SLC7A10: variants seen among roughly 807,000 people sequenced by gnomAD.
SLC7A10 encodes the protein solute carrier family 7 member 10.
Under a neutral mutation model 52.7 loss-of-function variants are expected in SLC7A10, and 30 were observed. The observed-to-expected ratio is 0.57, with a 90% confidence interval of 0.43 to 0.77. The LOEUF is 0.77. Among genes scored for constraint, SLC7A10 ranks in the 30% least tolerant of loss-of-function variants. The probability of loss-of-function intolerance (pLI) is 0.00; values close to 1 mark genes in which losing one functional copy is unlikely to be tolerated. For synonymous variants in SLC7A10, 318 were observed against 314.9 expected (o/e 1.01, Z -0.10); for missense variants, 581 against 698.5 (o/e 0.83, Z 1.90).
intron 1 of SLC7A10, among the ~76,000 whole-genome samples, chr19:33,222,846 A>G (rs765244883): frequency 3.9e-5 from 6 of 152,134 alleles, no homozygotes; most frequent in Non-Finnish European, 8.8e-5. Flanking sequence ...ACGCCAGCCC[A>G]TAGCCCACCC....
chr19:33,212,956 G>T lies in SLC7A10; in HGVS notation c.403C>A (p.Leu135Ile). Residue 135 changes from leucine to isoleucine, a missense_variant, in exon 3 of 11, where the codon CTT (leucine) becomes ATT (isoleucine). Transcript: ENST00000253188. ...SAVLIMYPTS[L>I]AVISMTFSNY... The stretch of plus-strand genomic sequence containing the variant: ...GAGAAGGTCATGGAGATGACAGCAA[G>T]GCTGGTGGGGTACATGATGAGGACG... 6.2e-7 allele frequency: 1 copy of T among 1,614,078 alleles called. No individual in the cohort carries two copies. The highest frequency in any genetic ancestry group is 8.5e-7 in the Non-Finnish European group (1 of 1,179,982).
intron 1 of SLC7A10, chr19:33,220,393 G>A (rs918808169): frequency 6.6e-6 from 1 of 152,132 alleles, no homozygotes; most frequent in African/African-American, 2.4e-5. Flanking sequence ...CGCAACAGTC[G>A]AGCCCTAGGC....
rs935559307 is a variant in SLC7A10 at position 33,210,506 on chromosome 19, C to T, written c.1224G>A (p.Leu408=). Residue 408 remains leucine (L), a synonymous_variant, in exon 9 of 11, where the codon CTG becomes CTA. Coordinates refer to ENST00000253188, the MANE Select transcript of SLC7A10 (RefSeq NM_019849.3). The surrounding 1 kb of genome is among the most constrained non-coding windows in gnomAD (Gnocchi z 5.6). ...GGAGTGCAGGCCGCCTCCAGCGCAG[C>T]AGCAGCAGGCCCAGGATGGTGACGC... ...CYGVTILGLL[L]LRWRRPALHR... is the part of the protein sequence containing the mutation. 3 of 1,608,438 alleles carry T rather than the reference C, an allele frequency of 1.9e-6. No homozygotes were observed. The highest frequency in any genetic ancestry group is 2.7e-5 in the African/African-American group (2 of 74,920).
rs944049051 is a variant in SLC7A10 at position 33,210,050 on chromosome 19, C to T, written c.1263+417G>A. Among the ~76,000 whole-genome samples the T allele has an allele frequency of 6.6e-6, 1 of 151,884 alleles. No homozygotes were observed. Among genetic ancestry groups the T allele is most frequent in the African/African-American group, 2.4e-5 (1 of 41,366 alleles). ...CAACCTCCCGGGCTCAAGCGATCCT[C>T]CCATTTCAGCCTCTCAAGTAGCTGG... On this transcript the variant is annotated intron_variant, in intron 9 of 10. Transcript: ENST00000253188. This position sits in a 1 kb window ranked among gnomAD's most constrained non-coding sequence, Gnocchi z 5.6.
chr19:33,215,723 C>A, intron 2 of SLC7A10, 46 bp downstream of exon 2: 1 of 1,532,896 alleles, frequency 6.5e-7, no homozygotes, highest in Admixed American at 2.0e-5. Flanking sequence ...TTGGCCATCC[C>A]ATTCCCAAGA....
At chr19:33,216,610 C>CTCCTT (rs1346904625) in intron 1 of SLC7A10, among the ~76,000 whole-genome samples, 4 of 152,082 alleles carry the variant, frequency 2.6e-5, no homozygotes, top group Middle Eastern at 3.4e-3. Context: ...CCTTTCCTTT[C>CTCCTT]TCCTTTCCTT....
Position 33,210,376 on chromosome 19 carries a change from C to T in SLC7A10, c.1263+91G>A. On this transcript the variant is annotated intron_variant, in intron 9 of 10. Coordinates refer to ENST00000253188, the MANE Select transcript of SLC7A10 (RefSeq NM_019849.3). The surrounding 1 kb of genome is among the most constrained non-coding windows in gnomAD (Gnocchi z 5.6). ...GCCCAACACTCCACAAAAGCTGGCACCTCCCATCCCACCTGCCCCTGGTGC... is the reference window on the plus strand; with the variant it reads ...GCCCAACACTCCACAAAAGCTGGCATCTCCCATCCCACCTGCCCCTGGTGC... The T allele has an allele frequency of 2.0e-6, 3 of 1,491,362 alleles. No individual in the cohort carries two copies. Among genetic ancestry groups the T allele is most frequent in the Non-Finnish European group, 2.7e-6 (3 of 1,110,154 alleles). The allele number at this position is 1,491,362 out of a possible 1,614,324, so 92.4% of individuals were successfully genotyped here.
chr19:33,220,557 G>C (rs367841333), intron 1 of SLC7A10, among the ~76,000 whole-genome samples: 31 of 152,104 alleles, frequency 2.0e-4, no homozygotes, highest in African/African-American at 7.5e-4. Flanking sequence ...CAGTCCTGGG[G>C]CTTCTTCTCT....
At chr19:33,222,035 G>C (rs1341008445) in intron 1 of SLC7A10, among the ~76,000 whole-genome samples, 1 of 152,174 alleles carries the variant, frequency 6.6e-6, no homozygotes, top group African/African-American at 2.4e-5. Flanking sequence ...CAAGCTCCCA[G>C]CTTGGTCCCC....
intron 1 of SLC7A10, chr19:33,219,928 T>C (rs2076310277): frequency 6.6e-6 from 1 of 152,196 alleles, no homozygotes; most frequent in South Asian, 2.1e-4. Context: ...CCATGGGAAG[T>C]GCTTTTGGAT....
rs747484976 is a variant in SLC7A10 at position 33,210,658 on chromosome 19, CTCCTGACGCCCCTGCAGGA to C, written c.1114-61_1114-43del. 5 of 1,610,180 alleles carry C rather than the reference CTCCTGACGCCCCTGCAGGA, an allele frequency of 3.1e-6. No individual in the cohort carries two copies. In the South Asian group the frequency reaches 5.5e-5, roughly 18 times the overall value. On this transcript the variant is annotated intron_variant, in intron 8 of 10. Coordinates refer to ENST00000253188, the MANE Select transcript of SLC7A10 (RefSeq NM_019849.3). The surrounding 1 kb of genome is among the most constrained non-coding windows in gnomAD (Gnocchi z 5.6). Reference sequence around the variant, plus strand: ...GGCTGACGGCTGGCCCCTAGCCTGCCTCCTGACGCCCCTGCAGGATGAGCCCTGGCCCCACCCCCAACCC... The same window carrying C: ...GGCTGACGGCTGGCCCCTAGCCTGCCTGAGCCCTGGCCCCACCCCCAACCC...
At chr19:33,212,028 G>T in intron 5 of SLC7A10, 1 of 580,942 alleles carries the variant, frequency 1.7e-6, no homozygotes, top group Non-Finnish European at 3.1e-6. Context: ...GCAAATCTCT[G>T]GATCTATTTA....
chr19:33,213,816 C>T (rs1411999890), intron 2 of SLC7A10, among the ~76,000 whole-genome samples: 1 of 152,210 alleles, frequency 6.6e-6, no homozygotes, highest in Non-Finnish European at 1.5e-5. Context: ...GATGCCCCTT[C>T]TACCTAAATC....
At position 33,215,791 on chromosome 19, in the gene SLC7A10, C is replaced by G; in HGVS notation, c.334G>C (p.Glu112Gln). The G allele has an allele frequency of 1.3e-6, 2 of 1,562,812 alleles. No individual in the cohort carries two copies. Among genetic ancestry groups the G allele is most frequent in the Non-Finnish European group, 1.7e-6 (2 of 1,153,600 alleles). Residue 112 changes from glutamate (E) to glutamine (Q), a missense_variant, in exon 2 of 11, where the codon GAG becomes CAG. Coordinates refer to ENST00000253188, the MANE Select transcript of SLC7A10 (RefSeq NM_019849.3). ...CACCCAGCCAGGCCCCCGAAGATCT[C>G]TGTGACGTAGGCGTAGTCCCCGCCA... is the stretch of plus-strand genomic sequence containing the variant. ...KSGGDYAYVT[E>Q]IFGGLAGFLL...
chr19:33,212,931 GAGA>G lies in SLC7A10; in HGVS notation c.425_427del (p.Phe142del). Reference sequence around the variant, plus strand: ...GAACACGGGCTGCAGCACGTAGTTGGAGAAGGTCATGGAGATGACAGCAAGGCT... The same window carrying G: ...GAACACGGGCTGCAGCACGTAGTTGGAGGTCATGGAGATGACAGCAAGGCT... On this transcript the variant is annotated inframe_deletion, in exon 3 of 11. Coordinates refer to ENST00000253188, the MANE Select transcript of SLC7A10 (RefSeq NM_019849.3). 6.2e-7 allele frequency: 1 copy of G among 1,614,188 alleles called. No individual in the cohort carries two copies. The highest frequency in any genetic ancestry group is 8.5e-7 in the Non-Finnish European group (1 of 1,180,026).
Position 33,210,716 on chromosome 19 carries a change from G to A in SLC7A10, c.1113+86C>T. On this transcript the variant is annotated intron_variant, in intron 8 of 10. Coordinates refer to ENST00000253188, the MANE Select transcript of SLC7A10 (RefSeq NM_019849.3). This position sits in a 1 kb window ranked among gnomAD's most constrained non-coding sequence, Gnocchi z 5.6. ...CACCCCCAACCCCCACCCTGGAATG[G>A]CTCACCCCTGCCATTACCCGGAAGG... The A allele has an allele frequency of 6.2e-7, 1 of 1,607,364 alleles. No individual in the cohort carries two copies. The highest frequency in any genetic ancestry group is 8.5e-7 in the Non-Finnish European group (1 of 1,176,460).
chr19:33,211,508 A>T lies in SLC7A10; in HGVS notation c.818T>A (p.Ile273Asn), dbSNP rs1475998246. 1 of 1,614,054 alleles carries T rather than the reference A, an allele frequency of 6.2e-7. No individual in the cohort carries two copies. The highest frequency in any genetic ancestry group is 2.2e-5 in the East Asian group (1 of 44,858). Residue 273 changes from isoleucine to asparagine, a missense_variant, in exon 6 of 11, where the codon ATC becomes AAC. Transcript: ENST00000253188. ...KNLPRAIFIS[I>N]PLVTFVYTFT... Reference sequence around the variant, plus strand: ...CGTGTACACGAAGGTCACCAGTGGGATGGAGATGAAGATGGCGCGAGGTAG... The same window carrying T: ...CGTGTACACGAAGGTCACCAGTGGGTTGGAGATGAAGATGGCGCGAGGTAG...
In SLC7A10 at chr19:33,225,606, C is replaced by G. The variant is rs761114897; in HGVS notation, c.98G>C (p.Arg33Pro). The G allele has an allele frequency of 1.9e-6, 3 of 1,594,562 alleles. No individual in the cohort carries two copies. The highest frequency in any genetic ancestry group is 3.3e-5 in the Admixed American group (2 of 59,816). Residue 33 changes from arginine to proline, a missense_variant, in exon 1 of 11, where the codon CGG becomes CCG. Transcript: ENST00000253188. ...CCCGATCTCCTTCTTGAGCGCCACCCGCTCCGAGGCGCCGGGGACGGTCCC... is the reference window on the plus strand; with the variant it reads ...CCCGATCTCCTTCTTGAGCGCCACCGGCTCCGAGGCGCCGGGGACGGTCCC... ...VPGTVPGASE[R>P]VALKKEIGLL...
Position 33,210,407 on chromosome 19 carries a change from G to A in SLC7A10, c.1263+60C>T. 6.5e-7 allele frequency: 1 copy of A among 1,534,912 alleles called. No homozygotes were observed. Among genetic ancestry groups the A allele is most frequent in the South Asian group, 1.2e-5 (1 of 84,096 alleles). ...ATCCCACCTGCCCCTGGTGCCCACTGTGGATGCAGGGGTGGCTCTGGCAGC... is the reference window on the plus strand; with the variant it reads ...ATCCCACCTGCCCCTGGTGCCCACTATGGATGCAGGGGTGGCTCTGGCAGC... On this transcript the variant is annotated intron_variant, in intron 9 of 10. Coordinates refer to ENST00000253188, the MANE Select transcript of SLC7A10 (RefSeq NM_019849.3). This position sits in a 1 kb window ranked among gnomAD's most constrained non-coding sequence, Gnocchi z 5.6.
Sources: allele counts gnomAD v4.1 joint callset (sites outside exome capture counted in the v4.1 genomes callset), GRCh38; gene constraint gnomAD v4.1.1; non-coding constraint Gnocchi (gnomAD v3.1); transcripts MANE v1.5; gene names NCBI Gene and HGNC (gene_info 2026-07-23, HGNC 2026-07-21).